The following TAF5L variants were observed in gnomAD, a reference collection of about 807,000 sequenced individuals.
TAF5L encodes TATA-box binding protein associated factor 5 like.
In TAF5L, 7 loss-of-function variants were observed where a neutral mutation model predicts 51.3. That is an observed-to-expected ratio of 0.14 (90% CI 0.08 to 0.26). TAF5L has a LOEUF of 0.26. Among genes scored for constraint, TAF5L ranks in the 10% least tolerant of loss-of-function variants. The pLI is 1.00. For synonymous variants in TAF5L, 291 were observed against 308.1 expected, an observed-to-expected ratio of 0.94 and a Z score of 0.58; for missense variants, 575 against 758.9, an observed-to-expected ratio of 0.76 and a Z score of 2.85.
At chr1:229,615,246 C>T (rs942938074) in intron 1 of TAF5L, among the ~76,000 whole-genome samples, 1 of 152,136 alleles carries the variant, frequency 6.6e-6, no homozygotes, top group African/African-American at 2.4e-5. Context: ...CACCACCACG[C>T]CCAGCTAATT....
intron 2 of TAF5L, 142 bp from the exon 3 acceptor site, chr1:229,610,352 G>A (rs1664743111): frequency 5.6e-6 from 4 of 718,706 alleles, no homozygotes; most frequent in Non-Finnish European, 9.5e-6. Context: ...AGCATGCTGG[G>A]TCCTGGTTAA....
intron 3 of TAF5L, among the ~76,000 whole-genome samples, chr1:229,608,198 T>C (rs945276463): frequency 4.6e-5 from 7 of 152,326 alleles, no homozygotes; most frequent in African/African-American, 1.4e-4. Flanking sequence ...AGAATCTATA[T>C]TTACTATAGT....
chr1:229,613,329 C>CAAAAAAAAA (rs567436350), intron 2 of TAF5L, among the ~76,000 whole-genome samples: 1 of 84,592 alleles, frequency 1.2e-5, no homozygotes, highest in Non-Finnish European at 2.4e-5. Flanking sequence ...GACTCTGTCT[C>CAAAAAAAAA]AAAAAAAAAA....
intron 2 of TAF5L, among the ~76,000 whole-genome samples, chr1:229,612,078 G>A (rs1484651220): frequency 6.6e-6 from 1 of 152,124 alleles, no homozygotes; most frequent in Non-Finnish European, 1.5e-5. Flanking sequence ...TCAGAGCTAG[G>A]GTCAAATCGT....
rs1664347274 is a variant in TAF5L, at chr1:229,600,858, T to C, written c.972+1337A>G. 5 of 984,662 alleles carry C rather than the reference T, an allele frequency of 5.1e-6. No homozygotes were observed. In the South Asian group the frequency reaches 2.3e-4, roughly 46 times the overall value. 61.0% of individuals were successfully genotyped at this position (984,662 alleles called of 1,614,324 possible). On this transcript the variant is annotated intron_variant, in intron 4 of 4. Transcript: ENST00000258281. ...TGCTATCTTCTTTAATATTAATTTT[T>C]AATGCACAGAATAATCTCCAAACTC...
At position 229,595,108 on chromosome 1, in the gene TAF5L, G is replaced by A; in HGVS notation, c.973-14C>T. The A allele has an allele frequency of 6.4e-7, 1 of 1,558,396 alleles. No individual in the cohort carries two copies. Among genetic ancestry groups the A allele is most frequent in the Non-Finnish European group, 8.7e-7 (1 of 1,150,526 alleles). ...ATCCTCATCATCCTGGGAACAGTGG[G>A]GTGGGGTGGGAAAAGAAACACACAC... is the stretch of plus-strand genomic sequence containing the variant. On this transcript the variant is annotated splice_polypyrimidine_tract_variant and intron_variant, in intron 4 of 4. Coordinates refer to ENST00000258281, the Ensembl canonical transcript of TAF5L.
rs1369470123 is a variant in TAF5L at position 229,594,714 on chromosome 1, C to A, written c.1353G>T (p.Arg451=). 1 of 1,614,172 alleles carries A rather than the reference C, an allele frequency of 6.2e-7. No homozygotes were observed. Among genetic ancestry groups the A allele is most frequent in the Non-Finnish European group, 8.5e-7 (1 of 1,180,044 alleles). ...AGTTCCCCTGCTGAGCGCTCCACAG[C>A]CGGACGGTCTTGTCGGTTGAGCCCG... Residue 451 remains arginine (R), a synonymous_variant, in exon 5 of 5, where the codon CGG becomes CGT. Transcript: ENST00000258281. The surrounding 1 kb of genome is among the most constrained non-coding windows in gnomAD (Gnocchi z 7.9).
At chr1:229,611,043 G>A (rs1171211925) in intron 2 of TAF5L, among the ~76,000 whole-genome samples, 3 of 151,794 alleles carry the variant, frequency 2.0e-5, no homozygotes, top group African/African-American at 7.2e-5. Context: ...TGGGTGGTGA[G>A]GCTCATCCTC....
chr1:229,602,102 A>G lies in TAF5L; in HGVS notation c.972+93T>C, dbSNP rs1664397764. The G allele has an allele frequency of 6.5e-7, 1 of 1,529,768 alleles. No homozygotes were observed. 94.8% of individuals were successfully genotyped at this position (1,529,768 alleles called of 1,614,324 possible). A position where few individuals can be genotyped will look rare whatever the true frequency, so the allele number is the denominator to read the frequency against. ...CTTTAGCTATATGATGAGGGAAACT[A>G]GGAAGTCCATTCTAAGATATGTCGT... On this transcript the variant is annotated intron_variant, in intron 4 of 4. Coordinates refer to ENST00000258281, the Ensembl canonical transcript of TAF5L. This position sits in a 1 kb window ranked among gnomAD's most constrained non-coding sequence, Gnocchi z 4.6.
intron 3 of TAF5L, among the ~76,000 whole-genome samples, chr1:229,603,686 C>T (rs1664475132): frequency 6.6e-6 from 1 of 152,210 alleles, no homozygotes; most frequent in South Asian, 2.1e-4. Context: ...CAACTACTTA[C>T]TAACTTGGGA....
At chr1:229,606,700 G>A (rs1664607458) in intron 3 of TAF5L, 1 of 985,252 alleles carries the variant, frequency 1.0e-6, no homozygotes, top group African/African-American at 1.7e-5. Context: ...CACTGGGTGT[G>A]TGCCTCTTAG....
intron 2 of TAF5L, among the ~76,000 whole-genome samples, chr1:229,613,000 C>G (rs1186863772): frequency 2.0e-5 from 3 of 151,790 alleles, no homozygotes; most frequent in African/African-American, 7.3e-5. Context: ...TTTTTTCCCC[C>G]AGAATCACTA....
At chr1:229,599,168 G>A in intron 4 of TAF5L, 1 of 721,730 alleles carries the variant, frequency 1.4e-6, no homozygotes, top group East Asian at 1.3e-4. Flanking sequence ...ATCTTTAAGT[G>A]GGAGACAACA....
At position 229,594,244 on chromosome 1, in the gene TAF5L, G is replaced by A. The variant is rs1279531757; in HGVS notation, c.*53C>T. The A allele has an allele frequency of 2.0e-6, 3 of 1,530,192 alleles. No homozygotes were observed. The Admixed American group carries it at 5.6e-5, about 28-fold the overall frequency. 94.8% of individuals were successfully genotyped at this position (1,530,192 alleles called of 1,614,324 possible). A position where few individuals can be genotyped will look rare whatever the true frequency, so the allele number is the denominator to read the frequency against. On this transcript the variant is annotated 3_prime_UTR_variant, in exon 5 of 5. Transcript: ENST00000258281. This position sits in a 1 kb window ranked among gnomAD's most constrained non-coding sequence, Gnocchi z 7.9. ...TTCAATCTCAGCTCATTGAAGGATT[G>A]CAACTGGAGGCTTTCCACTGTTACC...
At position 229,594,255 on chromosome 1, in the gene TAF5L, C is replaced by G. The variant is rs1015151787; in HGVS notation, c.*42G>C. Reference sequence around the variant, plus strand: ...CTCATTGAAGGATTGCAACTGGAGGCTTTCCACTGTTACCCCAGTCCGTTC... The same window carrying G: ...CTCATTGAAGGATTGCAACTGGAGGGTTTCCACTGTTACCCCAGTCCGTTC... On this transcript the variant is annotated 3_prime_UTR_variant, in exon 5 of 5. Transcript: ENST00000258281. The surrounding 1 kb of genome is among the most constrained non-coding windows in gnomAD (Gnocchi z 7.9). 6.4e-7 allele frequency: 1 copy of G among 1,557,678 alleles called. No homozygotes were observed. The highest frequency in any genetic ancestry group is 1.4e-5 in the African/African-American group (1 of 73,718).
At chr1:229,595,624 AT>A (rs1272829795) in intron 4 of TAF5L, among the ~76,000 whole-genome samples, 3 of 152,206 alleles carry the variant, frequency 2.0e-5, no homozygotes, top group Non-Finnish European at 2.9e-5. Context: ...ATGGGGGTTA[AT>A]GATGGACACA....
intron 3 of TAF5L, chr1:229,607,345 G>A: frequency 1.0e-6 from 1 of 985,344 alleles, no homozygotes; most frequent in Non-Finnish European, 1.2e-6. Flanking sequence ...CAGTCTCCCT[G>A]CCATTCCTCT....
At chr1:229,598,362 AT>A (rs1321307432) in intron 4 of TAF5L, among the ~76,000 whole-genome samples, 6 of 152,230 alleles carry the variant, frequency 3.9e-5, no homozygotes, top group Non-Finnish European at 8.8e-5. Context: ...CTCACATCAT[AT>A]TCCCATTGGA....
At chr1:229,611,349 G>A (rs114097649) in intron 2 of TAF5L, among the ~76,000 whole-genome samples, 64 of 152,246 alleles carry the variant, frequency 4.2e-4, no homozygotes, top group African/African-American at 1.5e-3. Context: ...GAAAGAAGGT[G>A]GCTAAAAACC....
Sources: gnomAD v4.1 joint callset for allele counts (sites outside exome capture counted in the v4.1 genomes callset) on GRCh38, gnomAD v4.1.1 for gene constraint, Gnocchi (gnomAD v3.1) non-coding constraint, MANE v1.5 for transcripts, NCBI Gene and HGNC (gene_info 2026-07-23, HGNC 2026-07-21) for gene names.